IL9R: variants seen among roughly 807,000 people sequenced by gnomAD.
The protein encoded by IL9R is interleukin-9 receptor.
In IL9R, 54 loss-of-function variants were observed where a neutral mutation model predicts 56.3. That is an observed-to-expected ratio of 0.96 (90% CI 0.77 to 1.20). IL9R has a LOEUF of 1.20. Ranked by LOEUF, IL9R falls within the 50% of genes most tolerant of loss-of-function variation. IL9R has a pLI of 0.00. For missense variants in IL9R, 545 were observed against 629.8 expected, an observed-to-expected ratio of 0.87 and a Z score of 1.44; for synonymous variants, 212 against 250.2, an observed-to-expected ratio of 0.85 and a Z score of 1.44.
At chrX:155,999,270 C>T (rs927773547) in intron 1 of IL9R, among the ~76,000 whole-genome samples, 7 of 152,202 alleles carry the variant, frequency 4.6e-5, no homozygotes, top group African/African-American at 1.7e-4. Flanking sequence ...CCCTTGTCCA[C>T]CCAACACCTC....
chrX:156,004,093 G>A (rs765948872), intron 4 of IL9R: 1 of 606,898 alleles, frequency 1.6e-6, no homozygotes, highest in South Asian at 2.0e-5. Flanking sequence ...TTGGGGCAGG[G>A]GCTGGCACTT....
At chrX:156,008,921 CTG>C (rs1240736299) in intron 8 of IL9R, among the ~76,000 whole-genome samples, 22 of 113,760 alleles carry the variant, frequency 1.9e-4, no homozygotes, top group South Asian at 5.2e-4. Context: ...GTGTGTGTGT[CTG>C]TGTGTGTGTT....
At chrX:156,001,492 C>T (rs1301091174) in intron 1 of IL9R, 2 of 1,608,184 alleles carry the variant, frequency 1.2e-6, no homozygotes, top group African/African-American at 1.3e-5. Flanking sequence ...AGGCTGCACG[C>T]TCCATTCTAG....
chrX:155,999,719 C>T (rs1373492122), intron 1 of IL9R, among the ~76,000 whole-genome samples: 1 of 152,168 alleles, frequency 6.6e-6, no homozygotes, highest in Non-Finnish European at 1.5e-5. Context: ...TTCCTCTTCC[C>T]CCAGCAGACA....
In IL9R at chrX:156,003,034, C is replaced by G; in HGVS notation, c.142+15C>G. 5.6e-6 allele frequency: 9 copies of G among 1,613,724 alleles called. No homozygotes were observed. Among genetic ancestry groups the G allele is most frequent in the Non-Finnish European group, 7.6e-6 (9 of 1,179,812 alleles). The stretch of plus-strand genomic sequence containing the variant: ...GGAAGGACAAGGTGAGGGCTGGGCA[C>G]TAATGTCTGTATGAGGTGGGTGGAG... On this transcript the variant is annotated intron_variant, in intron 2 of 8. Coordinates refer to ENST00000244174, the MANE Select transcript of IL9R (RefSeq NM_002186.3).
chrX:156,008,452 C>T (rs765805905), intron 8 of IL9R, among the ~76,000 whole-genome samples: 1 of 152,018 alleles, frequency 6.6e-6, no homozygotes, highest in East Asian at 1.9e-4. Flanking sequence ...ATAATTTGAA[C>T]CATGAACCGG....
At chrX:155,999,366 C>T (rs1287093683) in intron 1 of IL9R, among the ~76,000 whole-genome samples, 1 of 152,098 alleles carries the variant, frequency 6.6e-6, no homozygotes, top group Non-Finnish European at 1.5e-5. Context: ...CAGCACTGCC[C>T]CTCATCCTCT....
rs894931935 is a variant in IL9R at position 156,003,949 on chromosome X, G to A, written c.433+94G>A. ...AGCAGGGCCTTGCAGCCTGTGAGTG[G>A]CCCAGTGAGTGTTCTCAGTCCCAGC... On this transcript the variant is annotated intron_variant, in intron 4 of 8. Coordinates refer to ENST00000244174, the MANE Select transcript of IL9R (RefSeq NM_002186.3). The A allele has an allele frequency of 2.5e-5, 33 of 1,303,496 alleles. No homozygotes were observed. In the African/African-American group the frequency reaches 3.6e-4, roughly 14 times the overall value. 80.7% of individuals were successfully genotyped at this position (1,303,496 alleles called of 1,614,324 possible).
intron 5 of IL9R, among the ~76,000 whole-genome samples, chrX:156,004,827 T>C (rs1162558161): frequency 1.3e-5 from 2 of 151,942 alleles, no homozygotes; most frequent in Non-Finnish European, 2.9e-5. Flanking sequence ...TGTGTACACA[T>C]ATGTAACTGT....
chrX:156,004,860 A>G (rs1264604407), intron 5 of IL9R, among the ~76,000 whole-genome samples: 1 of 151,788 alleles, frequency 6.6e-6, no homozygotes, highest in Non-Finnish European at 1.5e-5. Context: ...TTGTGTGCCC[A>G]TGTTTGTGTG....
chrX:156,003,384 C>G (rs2067672363), intron 2 of IL9R, 65 bp from the exon 3 acceptor site: 5 of 1,152,792 alleles, frequency 4.3e-6, no homozygotes, highest in Non-Finnish European at 6.6e-6. Flanking sequence ...AGATCCTCCC[C>G]AACCCCCGAG....
At chrX:156,007,946 C>A (rs2068092313) in intron 8 of IL9R, 1 of 292,962 alleles carries the variant, frequency 3.4e-6, no homozygotes, top group Non-Finnish European at 5.9e-6. Context: ...GCGAAGGTGT[C>A]TGTCCTGTGG....
intron 1 of IL9R, among the ~76,000 whole-genome samples, chrX:156,002,389 G>A (rs1223956321): frequency 6.6e-6 from 1 of 152,184 alleles, no homozygotes. Flanking sequence ...GTGACCCTGG[G>A]CAAGTCATTT....
At chrX:156,009,217 T>TCG (rs1199087302) in intron 8 of IL9R, among the ~76,000 whole-genome samples, 2 of 108,318 alleles carry the variant, frequency 1.8e-5, no homozygotes, top group African/African-American at 9.3e-5. Flanking sequence ...CTGTGTGTGT[T>TCG]TATGTGTCTG....
intron 4 of IL9R, 28 bp from the exon 5 acceptor site, chrX:156,004,392 A>C (rs1460339391): frequency 1.2e-6 from 2 of 1,613,038 alleles, no homozygotes; most frequent in African/African-American, 2.7e-5. Context: ...ATGGGGCTTC[A>C]GCCTCACATG....
At chrX:156,008,656 G>A (rs1179181358) in intron 8 of IL9R, among the ~76,000 whole-genome samples, 1 of 152,134 alleles carries the variant, frequency 6.6e-6, no homozygotes, top group African/African-American at 2.4e-5. Flanking sequence ...TGCGGGTGAG[G>A]ATCTGGTGCC....
At chrX:156,009,260 G>GTA (rs2068291240) in intron 8 of IL9R, among the ~76,000 whole-genome samples, 4 of 86,676 alleles carry the variant, frequency 4.6e-5, no homozygotes, top group African/African-American at 9.2e-5. Context: ...GTCTGTGTGT[G>GTA]TGTGTTTGTG....
At chrX:156,005,737 G>T (rs1187135623) in intron 6 of IL9R, among the ~76,000 whole-genome samples, 1 of 152,100 alleles carries the variant, frequency 6.6e-6, no homozygotes, top group African/African-American at 2.4e-5. Flanking sequence ...CACCAGGGCT[G>T]GGCTCCTGCC....
chrX:156,003,617 T>C, intron 3 of IL9R, 57 bp downstream of exon 3: 8 of 1,611,120 alleles, frequency 5.0e-6, no homozygotes, highest in Non-Finnish European at 5.9e-6. Context: ...TCCCCAGGAT[T>C]GAAGCAGCTA....
Sources: allele counts gnomAD v4.1 joint callset (sites outside exome capture counted in the v4.1 genomes callset), GRCh38; gene constraint gnomAD v4.1.1; transcripts MANE v1.5; gene names NCBI Gene and HGNC (gene_info 2026-07-23, HGNC 2026-07-21).